The following WDFY3 variants were observed in gnomAD, a reference collection of about 807,000 sequenced individuals.
WDFY3 encodes the protein WD repeat and FYVE domain containing 3, also known as WD repeat and FYVE domain-containing protein 3.
A neutral mutation model predicts 409.6 loss-of-function variants in WDFY3; 66 were observed. The ratio of observed to expected loss-of-function variants is 0.16; its 90% CI spans 0.13 to 0.20. WDFY3 has a LOEUF of 0.20. WDFY3 is among the 10% of genes least tolerant of loss of function. The pLI, the probability that WDFY3 is intolerant of heterozygous loss-of-function variation, is 1.00. For synonymous variants in WDFY3, 1,521 were observed against 1,537.1 expected (o/e 0.99, Z 0.25); for missense variants, 3,031 against 4,298.1 (o/e 0.71, Z 8.24).
At chr4:84,749,437 G>A (rs1273868094) in intron 36 of WDFY3, among the ~76,000 whole-genome samples, 1 of 152,066 alleles carries the variant, frequency 6.6e-6, no homozygotes. Flanking sequence ...CAGGGATGAA[G>A]TTAATAGTTA....
chr4:84,752,280 G>A (rs906333198), intron 35 of WDFY3, among the ~76,000 whole-genome samples: 1 of 152,082 alleles, frequency 6.6e-6, no homozygotes, highest in African/African-American at 2.4e-5. Context: ...TTGGGAGGCC[G>A]ACATAGGCAG....
At chr4:84,921,645 C>CTTTT (rs1561081050) in intron 2 of WDFY3, among the ~76,000 whole-genome samples, 1 of 112,320 alleles carries the variant, frequency 8.9e-6, no homozygotes, top group Non-Finnish European at 1.8e-5. Context: ...CTATTGCTTT[C>CTTTT]ATTTTTTTTT....
At chr4:84,877,931 G>C (rs983346845) in intron 3 of WDFY3, among the ~76,000 whole-genome samples, 6 of 151,880 alleles carry the variant, frequency 4.0e-5, no homozygotes, top group African/African-American at 1.5e-4. Flanking sequence ...AGACCAAAGG[G>C]GGCAAATTTT....
At chr4:84,858,831 G>C (rs1309894861) in intron 4 of WDFY3, among the ~76,000 whole-genome samples, 2 of 151,866 alleles carry the variant, frequency 1.3e-5, no homozygotes, top group African/African-American at 2.4e-5. Flanking sequence ...CATGGAGATA[G>C]ATCTGGAAAA....
intron 13 of WDFY3, among the ~76,000 whole-genome samples, chr4:84,811,384 T>C (rs1432977358): frequency 1.3e-5 from 2 of 152,242 alleles, no homozygotes; most frequent in African/African-American, 4.8e-5. Flanking sequence ...GGTGCTTTTA[T>C]GCACTAGCTT....
At chr4:84,777,127 G>A (rs1310382623) in intron 27 of WDFY3, among the ~76,000 whole-genome samples, 1 of 152,054 alleles carries the variant, frequency 6.6e-6, no homozygotes, top group East Asian at 1.9e-4. Flanking sequence ...GTGTTATTAA[G>A]AGAAATAGAG....
At chr4:84,951,794 G>A (rs543163134) in intron 1 of WDFY3, among the ~76,000 whole-genome samples, 2 of 152,288 alleles carry the variant, frequency 1.3e-5, no homozygotes, top group Admixed American at 6.5e-5. Context: ...CATCAGGATA[G>A]GCAAAGCCAC....
chr4:84,756,100 A>G (rs1226559889), intron 33 of WDFY3, among the ~76,000 whole-genome samples: 1 of 152,234 alleles, frequency 6.6e-6, no homozygotes, highest in Non-Finnish European at 1.5e-5. Context: ...ATATACAGAC[A>G]TCTTTAACAG....
chr4:84,792,815 G>A (rs1469945646), intron 21 of WDFY3, among the ~76,000 whole-genome samples: 1 of 151,940 alleles, frequency 6.6e-6, no homozygotes, highest in Non-Finnish European at 1.5e-5. Flanking sequence ...CACTTTTCTC[G>A]TTGTTTCTTC....
chr4:84,899,919 C>T (rs765772201), intron 2 of WDFY3, among the ~76,000 whole-genome samples: 1 of 152,012 alleles, frequency 6.6e-6, no homozygotes, highest in Non-Finnish European at 1.5e-5. Flanking sequence ...GATGTGGTGG[C>T]GTGCTTGTAG....
At chr4:84,810,535 A>C in intron 13 of WDFY3, 191 bp from the exon 14 acceptor site, 1 of 506,526 alleles carries the variant, frequency 2.0e-6, no homozygotes. Context: ...TGCTGAAGGT[A>C]ATTTTAGGAA....
intron 3 of WDFY3, among the ~76,000 whole-genome samples, chr4:84,869,818 C>G (rs1262338505): frequency 2.0e-5 from 3 of 152,106 alleles, no homozygotes; most frequent in Admixed American, 2.0e-4. Context: ...ATAGACTACT[C>G]CCAGTAAAAA....
intron 24 of WDFY3, among the ~76,000 whole-genome samples, chr4:84,783,515 A>G (rs1026992673): frequency 5.3e-5 from 8 of 152,212 alleles, no homozygotes; most frequent in Non-Finnish European, 7.3e-5. Flanking sequence ...GGAAACTCAC[A>G]GGAGGTAAGT....
chr4:84,809,804 G>T, intron 14 of WDFY3, 83 bp downstream of exon 14: 1 of 1,242,008 alleles, frequency 8.1e-7, no homozygotes, highest in Non-Finnish European at 1.1e-6. Flanking sequence ...ATATTCTTTT[G>T]GATTAACTCA....
chr4:84,829,260 A>C, intron 8 of WDFY3, 70 bp from the exon 9 acceptor site: 1 of 1,272,562 alleles, frequency 7.9e-7, no homozygotes, highest in Non-Finnish European at 1.1e-6. Flanking sequence ...TTAATTGTTA[A>C]CTGTTGTTTA....
At chr4:84,850,851 A>G (rs1036600594) in intron 4 of WDFY3, among the ~76,000 whole-genome samples, 1 of 151,504 alleles carries the variant, frequency 6.6e-6, no homozygotes, top group Non-Finnish European at 1.5e-5. Context: ...GGGTCATGAA[A>G]CAAACTTGTT....
chr4:84,805,922 G>C (rs905743222), intron 15 of WDFY3, among the ~76,000 whole-genome samples: 1 of 152,034 alleles, frequency 6.6e-6, no homozygotes, highest in African/African-American at 2.4e-5. Context: ...AATGAAAAAG[G>C]TTTTGAGTTT....
Position 84,741,901 on chromosome 4 carries a change from T to C in WDFY3, c.6094A>G (p.Ile2032Val), listed in dbSNP as rs767370018. 60 of 1,597,404 alleles carry C rather than the reference T, an allele frequency of 3.8e-5. No homozygotes were observed. Among genetic ancestry groups the C allele is most frequent in the Non-Finnish European group, 4.8e-5 (56 of 1,169,082 alleles). Residue 2032 changes from isoleucine (I) to valine (V), a missense_variant, in exon 38 of 68, where the codon ATT becomes GTT. Ile to Val is a conservative substitution (Grantham distance 29, BLOSUM62 3). Coordinates refer to ENST00000295888, the MANE Select transcript of WDFY3 (RefSeq NM_014991.6). Reference sequence around the variant, plus strand: ...ACCTGGTAGCTTCCTCCACTGGTAATAGGCAGAGATGCATCTTCCCCTAAA... The same window carrying C: ...ACCTGGTAGCTTCCTCCACTGGTAACAGGCAGAGATGCATCTTCCCCTAAA... The part of the protein sequence containing the change: ...VLLGEDASLP[I>V]TSGGSYQVLV...
intron 10 of WDFY3, among the ~76,000 whole-genome samples, chr4:84,825,560 G>T (rs1754741993): frequency 6.6e-6 from 1 of 151,856 alleles, no homozygotes; most frequent in African/African-American, 2.4e-5. Context: ...ATCACTTAGG[G>T]AAACATGGAT....
Sources: allele counts gnomAD v4.1 joint callset (sites outside exome capture counted in the v4.1 genomes callset), GRCh38; gene constraint gnomAD v4.1.1; transcripts MANE v1.5; gene names NCBI Gene and HGNC (gene_info 2026-07-23, HGNC 2026-07-21).